RSPO2: variants seen among roughly 807,000 people sequenced by gnomAD.
RSPO2 encodes R-spondin-2.
A neutral mutation model predicts 30.9 loss-of-function variants in RSPO2; 14 were observed. The observed-to-expected ratio is 0.45, with a 90% confidence interval of 0.30 to 0.71. RSPO2 has a LOEUF of 0.71. RSPO2 is among the 30% of genes least tolerant of loss of function. The probability of loss-of-function intolerance (pLI) is 0.08; values close to 1 mark genes in which losing one functional copy is unlikely to be tolerated. For missense variants in RSPO2, 264 were observed against 301.9 expected (o/e 0.87, Z 0.93); for synonymous variants, 107 against 96.4 (o/e 1.11, Z -0.64).
At chr8:107,940,288 C>G (rs545585988) in intron 5 of RSPO2, among the ~76,000 whole-genome samples, 1 of 140,856 alleles carries the variant, frequency 7.1e-6, no homozygotes, top group Non-Finnish European at 1.5e-5. Flanking sequence ...GGTTTCGTAA[C>G]TCCAGCCAAG....
At chr8:107,908,364 G>GTT in intron 5 of RSPO2, among the ~76,000 whole-genome samples, 1 of 152,120 alleles carries the variant, frequency 6.6e-6, no homozygotes, top group East Asian at 1.9e-4. Flanking sequence ...GTTTCACATA[G>GTT]GTAAGCACAA....
At chr8:108,056,981 T>G (rs1458486914) in intron 2 of RSPO2, among the ~76,000 whole-genome samples, 1 of 131,386 alleles carries the variant, frequency 7.6e-6, no homozygotes, top group Non-Finnish European at 1.5e-5. Flanking sequence ...CTCTTGAACC[T>G]GGGAGGTGGA....
chr8:108,031,647 A>T (rs1811426015), intron 2 of RSPO2, among the ~76,000 whole-genome samples: 2 of 152,248 alleles, frequency 1.3e-5, no homozygotes, highest in Non-Finnish European at 2.9e-5. Flanking sequence ...AAATGAATAG[A>T]TTAAAAACAA....
chr8:107,933,457 T>C (rs1194376036), intron 5 of RSPO2, among the ~76,000 whole-genome samples: 1 of 152,180 alleles, frequency 6.6e-6, no homozygotes, highest in Non-Finnish European at 1.5e-5. Flanking sequence ...TATATATAAA[T>C]TTATCACCCT....
intron 2 of RSPO2, among the ~76,000 whole-genome samples, chr8:108,000,824 A>G (rs1442621864): frequency 6.6e-6 from 1 of 152,046 alleles, no homozygotes; most frequent in Non-Finnish European, 1.5e-5. Flanking sequence ...ACACAGTGAA[A>G]CCCTGTCTCT....
At chr8:107,955,210 GC>G (rs1813383782) in intron 5 of RSPO2, among the ~76,000 whole-genome samples, 1 of 152,156 alleles carries the variant, frequency 6.6e-6, no homozygotes, top group Non-Finnish European at 1.5e-5. Flanking sequence ...GAACTTGCCT[GC>G]AACTTTTGGC....
chr8:107,944,087 G>A (rs775734031), intron 5 of RSPO2, among the ~76,000 whole-genome samples: 1 of 152,122 alleles, frequency 6.6e-6, no homozygotes, highest in Non-Finnish European at 1.5e-5. Flanking sequence ...AAAGTCTTTT[G>A]TATATTTTCT....
chr8:107,933,941 C>T (rs1217756544), intron 5 of RSPO2, among the ~76,000 whole-genome samples: 1 of 152,030 alleles, frequency 6.6e-6, no homozygotes, highest in African/African-American at 2.4e-5. Context: ...ATTTTTTAAA[C>T]CTGTTAAGGA....
chr8:107,994,899 A>T (rs958975607), intron 2 of RSPO2, among the ~76,000 whole-genome samples: 1 of 152,134 alleles, frequency 6.6e-6, no homozygotes, highest in Non-Finnish European at 1.5e-5. Flanking sequence ...TTCCTTTATT[A>T]TAACAATTTA....
At position 108,037,573 on chromosome 8, in the gene RSPO2, T is replaced by G. The variant is rs114906642; in HGVS notation, c.94+44972A>C. 3.9e-3 allele frequency among the ~76,000 whole-genome samples: 589 copies of G among 152,280 alleles called. 4 individuals carry two copies. The highest frequency in any genetic ancestry group is 0.014 in the African/African-American group (563 of 41,536). On this transcript the variant is annotated intron_variant, in intron 2 of 5. Transcript: ENST00000276659. ...AAGGTGGCTACACTAAAAAACAGAT[T>G]TTTAAATGTAGATTAAAAAGCCTGC...
intron 3 of RSPO2, among the ~76,000 whole-genome samples, chr8:107,973,438 A>G (rs566977339): frequency 6.6e-6 from 1 of 152,234 alleles, no homozygotes; most frequent in African/African-American, 2.4e-5. Flanking sequence ...TTATGAAAGA[A>G]AAAAGAATCT....
At chr8:107,978,352 AG>A (rs1186959923) in intron 3 of RSPO2, among the ~76,000 whole-genome samples, 2 of 152,140 alleles carry the variant, frequency 1.3e-5, no homozygotes, top group African/African-American at 4.8e-5. Context: ...GATTGAACCC[AG>A]GAGGCAGAGA....
chr8:107,960,411 T>G (rs974058663), intron 4 of RSPO2, among the ~76,000 whole-genome samples: 1 of 152,138 alleles, frequency 6.6e-6, no homozygotes, highest in Non-Finnish European at 1.5e-5. Flanking sequence ...GAAATTGATG[T>G]ATTACACGGA....
intron 5 of RSPO2, among the ~76,000 whole-genome samples, chr8:107,931,241 T>C (rs1195837876): frequency 6.6e-6 from 1 of 152,176 alleles, no homozygotes; most frequent in African/African-American, 2.4e-5. Flanking sequence ...GCTATTTCTT[T>C]CCTAGTAAAA....
rs190837864 is a variant in RSPO2 at position 107,923,445 on chromosome 8, G to T, written c.617-22255C>A. On this transcript the variant is annotated intron_variant, in intron 5 of 5. Transcript: ENST00000276659. Reference sequence around the variant, plus strand: ...GACGCTAGTGAGGTTGTGGAGAAAAGGAAACATTTATACACTGTTGGTGGG... The same window carrying T: ...GACGCTAGTGAGGTTGTGGAGAAAATGAAACATTTATACACTGTTGGTGGG... Among the ~76,000 whole-genome samples the T allele has an allele frequency of 1.9e-4, 29 of 152,162 alleles. No homozygotes were observed. In the East Asian group the frequency reaches 5.2e-3, roughly 27 times the overall value.
chr8:107,959,751 A>T (rs1432341805), intron 4 of RSPO2, among the ~76,000 whole-genome samples: 1 of 152,194 alleles, frequency 6.6e-6, no homozygotes, highest in Non-Finnish European at 1.5e-5. Context: ...GTGCCTATAA[A>T]ATGTATTAAC....
intron 5 of RSPO2, among the ~76,000 whole-genome samples, chr8:107,901,651 C>T (rs2130237958): frequency 6.6e-6 from 1 of 152,340 alleles, no homozygotes; most frequent in Non-Finnish European, 1.5e-5. Context: ...AAGAGTCTTG[C>T]TTTTAACATT....
intron 2 of RSPO2, among the ~76,000 whole-genome samples, chr8:107,998,275 C>T (rs1472909660): frequency 6.6e-6 from 1 of 151,670 alleles, no homozygotes; most frequent in East Asian, 1.9e-4. Flanking sequence ...TAACAGGGAA[C>T]TTGCATGTCG....
chr8:107,971,508 C>A lies in RSPO2; in HGVS notation c.284-10691G>T, dbSNP rs369204663. Among the ~76,000 whole-genome samples, 436 of 152,236 alleles carry A rather than the reference C, an allele frequency of 2.9e-3. 5 individuals carry two copies. The South Asian group carries it at 0.046, about 16-fold the overall frequency. On this transcript the variant is annotated intron_variant, in intron 3 of 5. Coordinates refer to ENST00000276659, the MANE Select transcript of RSPO2 (RefSeq NM_178565.5). ...TGGAATAGAATTAAAACAGGGTTTA[C>A]GTCTCACAACAGGCAGCTACTGCAT...
Sources: allele counts gnomAD v4.1 joint callset (sites outside exome capture counted in the v4.1 genomes callset), GRCh38; gene constraint gnomAD v4.1.1; transcripts MANE v1.5; gene names NCBI Gene and HGNC (gene_info 2026-07-23, HGNC 2026-07-21).